ENTPD5: variants seen among roughly 807,000 people sequenced by gnomAD.
The protein encoded by ENTPD5 is ectonucleoside triphosphate diphosphohydrolase 5 (inactive).
A neutral mutation model predicts 60.2 loss-of-function variants in ENTPD5; 49 were observed. That is an observed-to-expected ratio of 0.81 (90% CI 0.65 to 1.03). ENTPD5 has a LOEUF of 1.03. Ranked by LOEUF, ENTPD5 falls within the 50% of genes least tolerant of loss-of-function variation. ENTPD5 has a pLI of 0.00. For synonymous variants in ENTPD5, 187 were observed against 185.4 expected, an observed-to-expected ratio of 1.01 and a Z score of -0.07; for missense variants, 480 against 507.6, an observed-to-expected ratio of 0.95 and a Z score of 0.52.
chr14:73,957,556 G>T (rs114800916), downstream of ENTPD5, among the ~76,000 whole-genome samples: 2,263 of 152,128 alleles, frequency 0.015, 54 homozygotes, highest in African/African-American at 0.051. Context: ...TCTCACCTCA[G>T]CCTCCTGACT....
At position 73,975,990 on chromosome 14, in the gene ENTPD5, C is replaced by G. The variant is rs542432583; in HGVS notation, c.668G>C (p.Gly223Ala). 2 of 1,613,398 alleles carry G rather than the reference C, an allele frequency of 1.2e-6. No individual in the cohort carries two copies. Among genetic ancestry groups the G allele is most frequent in the South Asian group, 2.2e-5 (2 of 91,074 alleles). ...FEKTLEQTPR[G>A]YLTSFEMFNS... The stretch of plus-strand genomic sequence containing the variant: ...AAACATCTCAAAGGAAGTGAGGTAG[C>G]CCCTAGGAGTTTGTTCCAGAGTTTT... Residue 223 changes from glycine to alanine, a missense_variant, in exon 10 of 16, where the codon GGC (glycine) becomes GCC (alanine). Physicochemically the swap from Gly to Ala is moderately conservative, Grantham distance 60 (BLOSUM62 0). Coordinates refer to ENST00000334696, the MANE Select transcript of ENTPD5 (RefSeq NM_001249.5).
At chr14:73,993,775 G>A in intron 3 of ENTPD5, among the ~76,000 whole-genome samples, 1 of 151,422 alleles carries the variant, frequency 6.6e-6, no homozygotes, top group Non-Finnish European at 1.5e-5. Context: ...GTTTCTTCAG[G>A]GGTCACCCAA....
chr14:73,959,699 A>G, downstream of ENTPD5: 1 of 1,266,444 alleles, frequency 7.9e-7, no homozygotes, highest in Admixed American at 2.4e-5. Context: ...CCTCCTAAGT[A>G]GCTGGGACTA....
downstream of ENTPD5, chr14:73,955,431 A>G (rs1566684482): frequency 4.3e-6 from 7 of 1,610,592 alleles, no homozygotes; most frequent in Admixed American, 1.7e-5. Flanking sequence ...ACTCTGGTCT[A>G]TAGATCCTTT....
intron 3 of ENTPD5, chr14:74,003,254 C>T (rs2058565505): frequency 5.5e-6 from 2 of 361,468 alleles, no homozygotes; most frequent in South Asian, 4.7e-5. Context: ...ATAAGCTCCT[C>T]AAGAGCAGAA....
intron 3 of ENTPD5, among the ~76,000 whole-genome samples, chr14:73,995,535 T>TA (rs1263815402): frequency 1.3e-5 from 2 of 151,430 alleles, no homozygotes; most frequent in Non-Finnish European, 2.9e-5. Flanking sequence ...TCACGCCTGT[T>TA]AAGTGTGCCA....
intron 3 of ENTPD5, among the ~76,000 whole-genome samples, chr14:74,009,781 T>C (rs976926290): frequency 1.3e-5 from 2 of 151,130 alleles, no homozygotes; most frequent in African/African-American, 4.9e-5. Context: ...AGATAATTTT[T>C]GCATGTTTTC....
chr14:73,956,099 C>A (rs188395141), downstream of ENTPD5: 6 of 810,728 alleles, frequency 7.4e-6, no homozygotes, highest in East Asian at 1.5e-4. Context: ...CTAAGGCGGG[C>A]GGATCACGAG....
intron 8 of ENTPD5, 119 bp downstream of exon 8, chr14:73,976,905 C>A: frequency 1.1e-6 from 1 of 919,282 alleles, no homozygotes. Context: ...CCACACCCAG[C>A]CTCTTTTCCT....
intron 14 of ENTPD5, among the ~76,000 whole-genome samples, chr14:73,970,384 C>T (rs551398257): frequency 4.0e-5 from 6 of 151,834 alleles, no homozygotes; most frequent in African/African-American, 7.2e-5. Flanking sequence ...CCCAGCTACT[C>T]GGGAGGCTGA....
At chr14:73,988,247 C>G in intron 3 of ENTPD5, 75 bp from the exon 4 acceptor site, 1 of 1,370,054 alleles carries the variant, frequency 7.3e-7, no homozygotes, top group Non-Finnish European at 9.6e-7. Flanking sequence ...AACACTCACT[C>G]CTGGGCCCAA....
chr14:73,977,198 A>C lies in ENTPD5; in HGVS notation c.517+101T>G. ...TTCTCCCTGTCTTCTATTTCCTGCTATCTCATTCCTTCTGTTTATTCCTGG... is the reference window on the plus strand; with the variant it reads ...TTCTCCCTGTCTTCTATTTCCTGCTCTCTCATTCCTTCTGTTTATTCCTGG... On this transcript the variant is annotated intron_variant, in intron 7 of 15. Coordinates refer to ENST00000334696, the MANE Select transcript of ENTPD5 (RefSeq NM_001249.5). The C allele has an allele frequency of 3.3e-6, 4 of 1,212,516 alleles. No homozygotes were observed. In the South Asian group the frequency reaches 5.1e-5, roughly 15 times the overall value. 75.1% of individuals were successfully genotyped at this position (1,212,516 alleles called of 1,614,324 possible).
At chr14:73,995,424 T>C (rs1490925164) in intron 3 of ENTPD5, among the ~76,000 whole-genome samples, 1 of 151,900 alleles carries the variant, frequency 6.6e-6, no homozygotes. Flanking sequence ...ACACAGTAGA[T>C]GTTGAATGAA....
Position 74,015,915 on chromosome 14 carries a change from C to T in ENTPD5, c.-222G>A, listed in dbSNP as rs540697291. On this transcript the variant is annotated 5_prime_UTR_variant, in exon 2 of 16. Transcript: ENST00000334696. ...AAGACACTCCACATTTCTTTGTTGACCAGGAACAAGGAAAACTGGACAGAA... is the reference window on the plus strand; with the variant it reads ...AAGACACTCCACATTTCTTTGTTGATCAGGAACAAGGAAAACTGGACAGAA... 4.6e-5 allele frequency: 7 copies of T among 152,168 alleles called. 1 individual carries two copies. The South Asian group carries it at 1.5e-3, about 32-fold the overall frequency. The allele number at this position is 152,168 out of a possible 1,614,324, so 9.4% of individuals were successfully genotyped here. A position where few individuals can be genotyped will look rare whatever the true frequency, so the allele number is the denominator to read the frequency against.
intron 15 of ENTPD5, among the ~76,000 whole-genome samples, chr14:73,967,795 G>A (rs1315879388): frequency 1.3e-5 from 1 of 74,972 alleles, no homozygotes; most frequent in East Asian, 4.1e-4. Flanking sequence ...GCAAGACCCT[G>A]TCTCAAAAAA....
At chr14:74,008,156 C>A (rs966082871) in intron 3 of ENTPD5, among the ~76,000 whole-genome samples, 1 of 151,698 alleles carries the variant, frequency 6.6e-6, no homozygotes, top group African/African-American at 2.4e-5. Context: ...AATTTTTTAA[C>A]TCAGCTTTTC....
chr14:73,955,557 A>C, downstream of ENTPD5: 3 of 1,558,530 alleles, frequency 1.9e-6, no homozygotes, highest in Non-Finnish European at 2.7e-6. Context: ...GGTCTGTCTT[A>C]AGATATCGGA....
intron 6 of ENTPD5, among the ~76,000 whole-genome samples, chr14:73,978,865 G>T (rs1178335882): frequency 6.6e-6 from 1 of 151,826 alleles, no homozygotes; most frequent in Non-Finnish European, 1.5e-5. Flanking sequence ...AACAGAGATA[G>T]CGCCATTGCA....
rs766150808 is a variant in ENTPD5, at chr14:73,988,089, CAA to C, written c.12_13del (p.Trp5GlyfsTer26). On this transcript the variant is annotated frameshift_variant, in exon 4 of 16. Coordinates refer to ENST00000334696, the MANE Select transcript of ENTPD5 (RefSeq NM_001249.5). LOFTEE classifies it high-confidence loss of function. ...CACCAGCATGAAAAAGACTGTGCCC[CAA>C]GAAGTGGCCATTCTTTTCCCAAGAT... is the stretch of plus-strand genomic sequence containing the variant. 6.2e-7 allele frequency: 1 copy of C among 1,610,688 alleles called. No individual in the cohort carries two copies. The highest frequency in any genetic ancestry group is 8.5e-7 in the Non-Finnish European group (1 of 1,178,942).
Sources: allele counts gnomAD v4.1 joint callset (sites outside exome capture counted in the v4.1 genomes callset), GRCh38; gene constraint gnomAD v4.1.1; transcripts MANE v1.5; gene names NCBI Gene and HGNC (gene_info 2026-07-23, HGNC 2026-07-21).